KCNQ1OT1: variants seen among roughly 807,000 people sequenced by gnomAD.
The protein encoded by KCNQ1OT1 is KCNQ1 antisense RNA 2 (non-protein coding).
chr11:2,631,539 C>A, exon 1 of KCNQ1OT1: 2 of 398,262 alleles, frequency 5.0e-6, no homozygotes, highest in South Asian at 2.6e-4. Context: ...TTAAATCAGT[C>A]GTTTTTAATT....
chr11:2,686,825 A>C, exon 1 of KCNQ1OT1: 1 of 398,668 alleles, frequency 2.5e-6, no homozygotes, highest in Non-Finnish European at 4.4e-6. Context: ...GAGCAGCACA[A>C]GTAACTCAGA....
rs1232909566 is a variant in KCNQ1OT1, at chr11:2,659,668, G to A, written n.40327C>T. ...TGTATGTTTAACTTAATAAGAAATT[G>A]CTAAACTATTTCCTAAAGTCACTGT... On this transcript the variant is annotated non_coding_transcript_exon_variant, in exon 1 of 1. Coordinates refer to ENST00000597346, the Ensembl canonical transcript of KCNQ1OT1. The surrounding 1 kb of genome is among the most constrained non-coding windows in gnomAD (Gnocchi z 4.3). 2.5e-6 allele frequency: 1 copy of A among 398,350 alleles called. No homozygotes were observed. The highest frequency in any genetic ancestry group is 4.4e-6 in the Non-Finnish European group (1 of 226,006). The allele number at this position is 398,350 out of a possible 1,614,324, so 24.7% of individuals were successfully genotyped here. A position where few individuals can be genotyped will look rare whatever the true frequency, so the allele number is the denominator to read the frequency against.
rs1850006798 is a variant in KCNQ1OT1 at position 2,663,496 on chromosome 11, G to C, written n.36499C>G. ...GGCTCATGTTGTGTGCAATACAGGT[G>C]GCAGTGCCTGTATTGCCTCTTGGCT... On this transcript the variant is annotated non_coding_transcript_exon_variant, in exon 1 of 1. Transcript: ENST00000597346. The surrounding 1 kb of genome is among the most constrained non-coding windows in gnomAD (Gnocchi z 5.2). 5.0e-6 allele frequency: 2 copies of C among 398,680 alleles called. No individual in the cohort carries two copies. Among genetic ancestry groups the C allele is most frequent in the African/African-American group, 2.1e-5 (1 of 48,754 alleles). The allele number at this position is 398,680 out of a possible 1,614,324, so 24.7% of individuals were successfully genotyped here. A position where few individuals can be genotyped will look rare whatever the true frequency, so the allele number is the denominator to read the frequency against.
exon 1 of KCNQ1OT1, chr11:2,667,320 A>G (rs970856175): frequency 1.3e-5 from 5 of 398,518 alleles, no homozygotes; most frequent in African/African-American, 2.1e-5. Flanking sequence ...GATGGCCCAG[A>G]AGAAAGCAGT....
rs1352665434 is a variant in KCNQ1OT1 at position 2,626,615 on chromosome 11, A to G, written n.73380T>C. ...ATTATCACTGCTTACTGCCACCTCA[A>G]TCTCCCAGGCTCAAGCAATCCTCCC... On this transcript the variant is annotated non_coding_transcript_exon_variant, in exon 1 of 1. Coordinates refer to ENST00000597346, the Ensembl canonical transcript of KCNQ1OT1. This position sits in a 1 kb window ranked among gnomAD's most constrained non-coding sequence, Gnocchi z 4.0. 4 of 398,476 alleles carry G rather than the reference A, an allele frequency of 1.0e-5. No individual in the cohort carries two copies. The highest frequency in any genetic ancestry group is 4.1e-5 in the African/African-American group (2 of 48,602). The allele number at this position is 398,476 out of a possible 1,614,324, so 24.7% of individuals were successfully genotyped here.
exon 1 of KCNQ1OT1, chr11:2,680,114 A>C (rs1590027711): frequency 2.5e-6 from 1 of 394,042 alleles, no homozygotes; most frequent in Admixed American, 4.5e-5. Flanking sequence ...CTGGTCTCAA[A>C]CTCCTGACCT....
exon 1 of KCNQ1OT1, chr11:2,694,879 A>T (rs1478456943): frequency 1.0e-5 from 4 of 398,562 alleles, no homozygotes; most frequent in African/African-American, 2.1e-5. Flanking sequence ...AATAAGAAGA[A>T]GGAATTGTCA....
chr11:2,655,412 T>G (rs1849827837), exon 1 of KCNQ1OT1: 1 of 398,588 alleles, frequency 2.5e-6, no homozygotes, highest in Admixed American at 4.4e-5. Context: ...CTGTGCTCTT[T>G]GTCCCCAGGG....
chr11:2,689,215 G>A (rs1024904160), exon 1 of KCNQ1OT1: 10 of 398,688 alleles, frequency 2.5e-5, no homozygotes, highest in Non-Finnish European at 3.1e-5. Flanking sequence ...TGACTTTGAT[G>A]CAGTGGTTTA....
chr11:2,633,382 C>T (rs1263361069), exon 1 of KCNQ1OT1: 1 of 398,276 alleles, frequency 2.5e-6, no homozygotes, highest in Admixed American at 4.4e-5. Context: ...TTGATACAGT[C>T]CCATTTGTCT....
In KCNQ1OT1 at chr11:2,651,078, C is replaced by T; in HGVS notation, n.48917G>A. The T allele has an allele frequency of 2.5e-6, 1 of 398,808 alleles. No homozygotes were observed. The highest frequency in any genetic ancestry group is 4.4e-6 in the Non-Finnish European group (1 of 226,164). The allele number at this position is 398,808 out of a possible 1,614,324, so 24.7% of individuals were successfully genotyped here. On this transcript the variant is annotated non_coding_transcript_exon_variant, in exon 1 of 1. Transcript: ENST00000597346. The surrounding 1 kb of genome is among the most constrained non-coding windows in gnomAD (Gnocchi z 6.1). Reference sequence around the variant, plus strand: ...CTACATTGTTGTCCATACCTCATTACTGGTCTCTTGATTTCCACTCTTGCT... The same window carrying T: ...CTACATTGTTGTCCATACCTCATTATTGGTCTCTTGATTTCCACTCTTGCT...
At chr11:2,649,415 A>T (rs1849723828) in exon 1 of KCNQ1OT1, 1 of 398,308 alleles carries the variant, frequency 2.5e-6, no homozygotes, top group Non-Finnish European at 4.4e-6. Flanking sequence ...GGTAGATATC[A>T]TCCTCCTACT....
chr11:2,617,432 A>G lies in KCNQ1OT1; in HGVS notation n.82563T>C. ...CTTTTTTAATGCGGAATAATATTCC[A>G]TTGTAGACATACACACCACAGTTTA... On this transcript the variant is annotated non_coding_transcript_exon_variant, in exon 1 of 1. Coordinates refer to ENST00000597346, the Ensembl canonical transcript of KCNQ1OT1. The surrounding 1 kb of genome is among the most constrained non-coding windows in gnomAD (Gnocchi z 4.6). 1 of 398,424 alleles carries G rather than the reference A, an allele frequency of 2.5e-6. No homozygotes were observed. Among genetic ancestry groups the G allele is most frequent in the Non-Finnish European group, 4.4e-6 (1 of 225,942 alleles). 24.7% of individuals were successfully genotyped at this position (398,424 alleles called of 1,614,324 possible).
Position 2,695,635 on chromosome 11 carries a change from T to C in KCNQ1OT1, n.4360A>G. ...CATGTTTACTTAGGAGGGAAACTGC[T>C]GGGCCACAGGTATAAAATATTTTAT... On this transcript the variant is annotated non_coding_transcript_exon_variant, in exon 1 of 1. Transcript: ENST00000597346. This position sits in a 1 kb window ranked among gnomAD's most constrained non-coding sequence, Gnocchi z 5.2. 2.5e-6 allele frequency: 1 copy of C among 398,624 alleles called. No homozygotes were observed. The highest frequency in any genetic ancestry group is 4.4e-6 in the Non-Finnish European group (1 of 226,066). 24.7% of individuals were successfully genotyped at this position (398,624 alleles called of 1,614,324 possible).
Position 2,690,388 on chromosome 11 carries a change from CA to C in KCNQ1OT1, n.9606del. On this transcript the variant is annotated non_coding_transcript_exon_variant, in exon 1 of 1. Transcript: ENST00000597346. The surrounding 1 kb of genome is among the most constrained non-coding windows in gnomAD (Gnocchi z 5.1). Reference sequence around the variant, plus strand: ...ACTTGGCATGGAACATGTGCCAGACCAAAAGAGCTATCTCTCTCCCTGCGAA... The same window carrying C: ...ACTTGGCATGGAACATGTGCCAGACCAAAGAGCTATCTCTCTCCCTGCGAA... The C allele has an allele frequency of 2.5e-6, 1 of 398,632 alleles. No homozygotes were observed. The highest frequency in any genetic ancestry group is 4.4e-6 in the Non-Finnish European group (1 of 226,096). 24.7% of individuals were successfully genotyped at this position (398,632 alleles called of 1,614,324 possible).
At chr11:2,662,674 T>C (rs1341481129) in exon 1 of KCNQ1OT1, 1 of 405,118 alleles carries the variant, frequency 2.5e-6, no homozygotes, top group Non-Finnish European at 4.4e-6. Flanking sequence ...GACTCCCCGC[T>C]GGGGTGCCCA....
exon 1 of KCNQ1OT1, chr11:2,628,874 C>A: frequency 2.5e-6 from 1 of 398,184 alleles, no homozygotes; most frequent in Non-Finnish European, 4.4e-6. Flanking sequence ...AAGAGAGTAC[C>A]CTTTCCCCAT....
chr11:2,622,512 C>T, exon 1 of KCNQ1OT1: 1 of 398,402 alleles, frequency 2.5e-6, no homozygotes, highest in Non-Finnish European at 4.4e-6. Flanking sequence ...CCAACCTCTG[C>T]TTTTTGGAGA....
rs1461569565 is a variant in KCNQ1OT1, at chr11:2,699,498, GCGC to G, written n.494_496del. 6 of 179,776 alleles carry G rather than the reference GCGC, an allele frequency of 3.3e-5. No individual in the cohort carries two copies. The East Asian group carries it at 5.3e-3, about 159-fold the overall frequency. The allele number at this position is 179,776 out of a possible 1,614,324, so 11.1% of individuals were successfully genotyped here. A position where few individuals can be genotyped will look rare whatever the true frequency, so the allele number is the denominator to read the frequency against. Reference sequence around the variant, plus strand: ...CTGAGGAGCCCCCGGGGAGAGTGCCGCGCTGAGGAGCCCCCAGGAGAGTGCCGC... The same window carrying G: ...CTGAGGAGCCCCCGGGGAGAGTGCCGTGAGGAGCCCCCAGGAGAGTGCCGC... On this transcript the variant is annotated non_coding_transcript_exon_variant, in exon 1 of 1. Coordinates refer to ENST00000597346, the Ensembl canonical transcript of KCNQ1OT1.
Sources: gnomAD v4.1 joint callset for allele counts on GRCh38, gnomAD v4.1.1 for gene constraint, Gnocchi (gnomAD v3.1) non-coding constraint, MANE v1.5 for transcripts, NCBI Gene and HGNC (gene_info 2026-07-23, HGNC 2026-07-21) for gene names.